The following PIP5K1B variants were observed in gnomAD, a reference collection of about 807,000 sequenced individuals.
The protein encoded by PIP5K1B is phosphatidylinositol-4-phosphate 5-kinase type 1 beta.
Under a neutral mutation model 67.0 loss-of-function variants are expected in PIP5K1B, and 42 were observed. The ratio of observed to expected loss-of-function variants is 0.63; its 90% confidence interval spans 0.49 to 0.81. The LOEUF (loss-of-function observed/expected upper bound fraction) is 0.81, where lower values mean the gene tolerates loss of function less well. Ranked by LOEUF, PIP5K1B falls within the 30% of genes least tolerant of loss-of-function variation. The pLI is 0.00. For missense variants in PIP5K1B, 459 were observed against 646.3 expected (o/e 0.71, Z 3.14); for synonymous variants, 214 against 231.4 (o/e 0.92, Z 0.68).
Position 68,934,884 on chromosome 9 carries a change from G to C in PIP5K1B, c.1202-6G>C. 6.3e-7 allele frequency: 1 copy of C among 1,599,362 alleles called. No homozygotes were observed. Among genetic ancestry groups the C allele is most frequent in the Non-Finnish European group, 8.5e-7 (1 of 1,172,762 alleles). Reference sequence around the variant, plus strand: ...ATCTGTATTTGTCCTTTTCCTTTCTGTCTAGCTTTGAAGGCTTCACCGTCT... The same window carrying C: ...ATCTGTATTTGTCCTTTTCCTTTCTCTCTAGCTTTGAAGGCTTCACCGTCT... On this transcript the variant is annotated splice_region_variant and splice_polypyrimidine_tract_variant and intron_variant, in intron 12 of 15. Coordinates refer to ENST00000265382, the MANE Select transcript of PIP5K1B (RefSeq NM_003558.4).
At chr9:68,989,545 C>A (rs545512398) in intron 14 of PIP5K1B, among the ~76,000 whole-genome samples, 1 of 148,192 alleles carries the variant, frequency 6.7e-6, no homozygotes, top group Non-Finnish European at 1.5e-5. Flanking sequence ...TCTCCATTTT[C>A]TTTTTTTTTT....
At chr9:68,709,120 G>T (rs961134465) in intron 1 of PIP5K1B, among the ~76,000 whole-genome samples, 3 of 152,172 alleles carry the variant, frequency 2.0e-5, no homozygotes, top group Non-Finnish European at 4.4e-5. Context: ...GAGATTAACA[G>T]AAAACTTCTG....
chr9:68,776,259 A>G (rs1325811135), intron 2 of PIP5K1B, among the ~76,000 whole-genome samples: 1 of 152,152 alleles, frequency 6.6e-6, no homozygotes, highest in East Asian at 1.9e-4. Flanking sequence ...AGAGGTAGAA[A>G]TTTGCCTTGT....
At chr9:68,761,389 A>C (rs551303441) in intron 2 of PIP5K1B, among the ~76,000 whole-genome samples, 104 of 152,104 alleles carry the variant, frequency 6.8e-4, no homozygotes, top group Non-Finnish European at 1.2e-3. Context: ...CATGCTTTAG[A>C]GATTACAGAA....
At chr9:69,005,573 T>C (rs1831038753) in intron 15 of PIP5K1B, among the ~76,000 whole-genome samples, 1 of 151,960 alleles carries the variant, frequency 6.6e-6, no homozygotes, top group African/African-American at 2.4e-5. Flanking sequence ...ACGGGGTTTC[T>C]CCATGTTGGT....
intron 2 of PIP5K1B, chr9:68,788,779 G>A (rs546006430): frequency 1.3e-4 from 33 of 256,098 alleles, no homozygotes; most frequent in African/African-American, 7.1e-4. Context: ...GCCTGCTTGG[G>A]TCCCACCATT....
intron 4 of PIP5K1B, among the ~76,000 whole-genome samples, chr9:68,823,211 ATTT>A (rs1833815634): frequency 6.6e-6 from 1 of 152,118 alleles, no homozygotes; most frequent in Non-Finnish European, 1.5e-5. Context: ...ACTTGAATTC[ATTT>A]TTGCCTTAGA....
intron 8 of PIP5K1B, among the ~76,000 whole-genome samples, chr9:68,915,660 C>T (rs1296600672): frequency 6.6e-6 from 1 of 152,144 alleles, no homozygotes; most frequent in Non-Finnish European, 1.5e-5. Context: ...ATTAGGAAGG[C>T]TGGTTCCACA....
At chr9:68,921,173 C>T (rs1002316912) in intron 11 of PIP5K1B, among the ~76,000 whole-genome samples, 1 of 152,096 alleles carries the variant, frequency 6.6e-6, no homozygotes, top group African/African-American at 2.4e-5. Flanking sequence ...CAAGAATTAA[C>T]CTCTAAGCTG....
chr9:68,767,538 G>A (rs1329879024), intron 2 of PIP5K1B, among the ~76,000 whole-genome samples: 5 of 149,312 alleles, frequency 3.3e-5, no homozygotes, highest in Non-Finnish European at 7.4e-5. Flanking sequence ...AAGCTGCAGT[G>A]AGCCGAGACT....
intron 14 of PIP5K1B, among the ~76,000 whole-genome samples, chr9:68,953,395 T>C (rs1225056482): frequency 2.0e-5 from 3 of 152,224 alleles, no homozygotes; most frequent in Admixed American, 6.5e-5. Flanking sequence ...TCTCCCTTTT[T>C]AGTCTCGGTT....
chr9:68,967,949 C>CG (rs951653052), intron 14 of PIP5K1B, among the ~76,000 whole-genome samples: 2 of 9,476 alleles, frequency 2.1e-4, no homozygotes, highest in Non-Finnish European at 8.3e-3. Context: ...AGGATTGCTC[C>CG]CCAAAACCCA....
chr9:68,747,367 GGTTA>G (rs1233195653), intron 2 of PIP5K1B, among the ~76,000 whole-genome samples: 1 of 151,416 alleles, frequency 6.6e-6, no homozygotes, highest in African/African-American at 2.4e-5. Context: ...CAATTTTGTT[GGTTA>G]GTTATTACTG....
chr9:68,789,196 G>C, intron 2 of PIP5K1B: 1 of 531,904 alleles, frequency 1.9e-6, no homozygotes, highest in Non-Finnish European at 3.6e-6. Flanking sequence ...GTGGGAAGTT[G>C]GTCACCCACA....
chr9:68,977,666 T>G (rs1489106474), intron 14 of PIP5K1B, among the ~76,000 whole-genome samples: 1 of 151,056 alleles, frequency 6.6e-6, no homozygotes, highest in Admixed American at 6.6e-5. Context: ...TTTTTTTTTT[T>G]TTTTTCGAGA....
chr9:68,924,110 TA>T (rs71500336), intron 12 of PIP5K1B, among the ~76,000 whole-genome samples: 2,003 of 125,816 alleles, frequency 0.016, 17 homozygotes, highest in African/African-American at 0.03. Context: ...CTCTTACCTT[TA>T]AAAAAAAAAA....
rs771158342 is a variant in PIP5K1B, at chr9:68,940,840, A to G, written c.1502+50A>G. On this transcript the variant is annotated intron_variant, in intron 14 of 15. Coordinates refer to ENST00000265382, the MANE Select transcript of PIP5K1B (RefSeq NM_003558.4). ...CCCATCAGGCTGTTACCACATCAAC[A>G]TCAGGCCTGAACCAGTATCTCTGAA... 3.9e-6 allele frequency: 6 copies of G among 1,541,692 alleles called. No homozygotes were observed. In the Admixed American group the frequency reaches 6.7e-5, roughly 17 times the overall value.
chr9:68,862,637 C>A (rs1288660118), intron 4 of PIP5K1B, among the ~76,000 whole-genome samples: 7 of 151,826 alleles, frequency 4.6e-5, no homozygotes, highest in Admixed American at 2.6e-4. Flanking sequence ...ACTAAAAATA[C>A]AAATATTAGC....
chr9:68,759,525 G>A (rs1432417087), intron 2 of PIP5K1B, among the ~76,000 whole-genome samples: 5 of 152,092 alleles, frequency 3.3e-5, no homozygotes, highest in South Asian at 2.1e-4. Flanking sequence ...AGGGGAAACC[G>A]AGGAATGAAA....
Sources: allele counts gnomAD v4.1 joint callset (sites outside exome capture counted in the v4.1 genomes callset), GRCh38; gene constraint gnomAD v4.1.1; transcripts MANE v1.5; gene names NCBI Gene and HGNC (gene_info 2026-07-23, HGNC 2026-07-21).